DDX59: variants seen among roughly 807,000 people sequenced by gnomAD.
DDX59 encodes DEAD-box helicase 59.
A neutral mutation model predicts 51.9 loss-of-function variants in DDX59; 30 were observed. The observed-to-expected ratio is 0.58, with a 90% confidence interval of 0.43 to 0.78. The LOEUF (loss-of-function observed/expected upper bound fraction) is 0.78, where lower values mean the gene tolerates loss of function less well. Among genes scored for constraint, DDX59 ranks in the 30% least tolerant of loss-of-function variants. DDX59 has a pLI of 0.00. For synonymous variants in DDX59, 255 were observed against 253.3 expected, an observed-to-expected ratio of 1.01 and a Z score of -0.06; for missense variants, 672 against 730.8, an observed-to-expected ratio of 0.92 and a Z score of 0.93.
rs554399074 is a variant in DDX59 at position 200,656,120 on chromosome 1, G to A, written c.1062+2907C>T. On this transcript the variant is annotated intron_variant, in intron 4 of 7. Transcript: ENST00000331314. ...ACTGGGATTACAGGCGTGAGCCAAC[G>A]TGCCTGGCCATACAGTTCAATTTTT... Among the ~76,000 whole-genome samples the A allele has an allele frequency of 9.9e-5, 15 of 152,238 alleles. No individual in the cohort carries two copies. In the South Asian group the frequency reaches 3.1e-3, roughly 32 times the overall value.
intron 4 of DDX59, among the ~76,000 whole-genome samples, chr1:200,654,011 A>G (rs182546433): frequency 6.6e-6 from 1 of 152,244 alleles, no homozygotes; most frequent in African/African-American, 2.4e-5. Context: ...GAAAAGCCCT[A>G]ATGATATATT....
At chr1:200,643,754 T>A (rs943603596), downstream of DDX59, among the ~76,000 whole-genome samples, 41 of 152,282 alleles carry the variant, frequency 2.7e-4, no homozygotes, top group African/African-American at 8.2e-4. Context: ...ATCTTATTTT[T>A]AAAACAGCAT....
At chr1:200,641,397 TAAA>T (rs5780032), downstream of DDX59, 474 of 214,018 alleles carry the variant, frequency 2.2e-3, no homozygotes, top group Middle Eastern at 6.4e-3. Context: ...CCAAAAAAAC[TAAA>T]AAAAAAAAAA....
At chr1:200,664,111 T>A (rs758997344) in intron 2 of DDX59, 25 bp from the exon 3 acceptor site, 5 of 1,598,246 alleles carry the variant, frequency 3.1e-6, no homozygotes, top group Non-Finnish European at 4.3e-6. Context: ...AAAACAAGTT[T>A]AAAAACACCA....
chr1:200,659,317 A>C (rs1357383950), intron 3 of DDX59, among the ~76,000 whole-genome samples: 2 of 152,254 alleles, frequency 1.3e-5, no homozygotes, highest in Non-Finnish European at 2.9e-5. Flanking sequence ...GAAAGTACTC[A>C]TGAGATAAAT....
chr1:200,652,027 A>G (rs1441716598), intron 4 of DDX59, among the ~76,000 whole-genome samples: 1 of 150,854 alleles, frequency 6.6e-6, no homozygotes, highest in African/African-American at 2.4e-5. Flanking sequence ...AAAAAAAAAA[A>G]AGATTAAGGC....
At chr1:200,661,893 T>C (rs1662397669) in intron 3 of DDX59, among the ~76,000 whole-genome samples, 1 of 152,174 alleles carries the variant, frequency 6.6e-6, no homozygotes, top group African/African-American at 2.4e-5. Flanking sequence ...GATTGGATCA[T>C]GGGGGCTATT....
At chr1:200,648,691 G>A in intron 6 of DDX59, 124 bp from the exon 7 acceptor site, 1 of 1,174,246 alleles carries the variant, frequency 8.5e-7, no homozygotes, top group East Asian at 2.5e-5. Context: ...TTTTCAATAA[G>A]TAAAGGTCAT....
Position 200,644,084 on chromosome 1 carries a change from GT to G in DDX59, c.*169del. On this transcript the variant is annotated 3_prime_UTR_variant, in exon 8 of 8. Transcript: ENST00000331314. Reference sequence around the variant, plus strand: ...TTTATTTAATAATTCATTTTCTGATGTTTTTAATTTATAAGAATTAAGGGAA... The same window carrying G: ...TTTATTTAATAATTCATTTTCTGATGTTTTAATTTATAAGAATTAAGGGAA... The G allele has an allele frequency of 1.7e-6, 1 of 581,436 alleles. No homozygotes were observed. The highest frequency in any genetic ancestry group is 2.3e-6 in the Non-Finnish European group (1 of 440,766). The allele number at this position is 581,436 out of a possible 1,614,324, so 36.0% of individuals were successfully genotyped here.
Position 200,666,150 on chromosome 1 carries a change from T to G in DDX59, c.591A>C (p.Glu197Asp). The change falls in exon 2 of 8, where the codon GAA becomes GAC. Residue 197 changes from glutamate (E) to aspartate (D), a missense_variant. Transcript: ENST00000331314. ...CAAAGTCAATAATGGGCCTGGTGAC[T>G]TCTTGCCCTTGAACTAAAATTCCCA... ...QQLGILVQGQ[E>D]VTRPIIDFEH... 1 of 1,614,214 alleles carries G rather than the reference T, an allele frequency of 6.2e-7. No homozygotes were observed. Among genetic ancestry groups the G allele is most frequent in the Non-Finnish European group, 8.5e-7 (1 of 1,180,042 alleles).
Position 200,648,510 on chromosome 1 carries a change from G to A in DDX59, c.1525C>T (p.Leu509=). 1 of 1,614,096 alleles carries A rather than the reference G, an allele frequency of 6.2e-7. No homozygotes were observed. Among genetic ancestry groups the A allele is most frequent in the Non-Finnish European group, 8.5e-7 (1 of 1,180,016 alleles). Residue 509 remains leucine (L), a synonymous_variant, in exon 7 of 8, where the codon CTA becomes TTA. Transcript: ENST00000331314. ...VVSTGVLGRG[L]DLISVRLVVN... ...ACCAGCCTGACACTGATCAAGTCTA[G>A]GCCTCGTCCCAAGACTCCTGTGCTC...
chr1:200,647,578 T>C (rs973034845), intron 7 of DDX59, among the ~76,000 whole-genome samples: 3 of 151,848 alleles, frequency 2.0e-5, no homozygotes, highest in Non-Finnish European at 2.9e-5. Flanking sequence ...TTCTAGTTTT[T>C]TTTTTTTTCT....
chr1:200,652,727 G>A (rs1661747676), intron 4 of DDX59, among the ~76,000 whole-genome samples: 1 of 148,594 alleles, frequency 6.7e-6, no homozygotes, highest in African/African-American at 2.5e-5. Flanking sequence ...GGAGTGCAGG[G>A]GTGCAATCAT....
chr1:200,647,603 A>T (rs1661369259), intron 7 of DDX59, among the ~76,000 whole-genome samples: 2 of 150,982 alleles, frequency 1.3e-5, no homozygotes, highest in African/African-American at 2.4e-5. Context: ...CACTTTAGGC[A>T]TACTTTTAAA....
At chr1:200,669,389 G>A (rs1047071012) in intron 1 of DDX59, 2 of 149,994 alleles carry the variant, frequency 1.3e-5, no homozygotes, top group Middle Eastern at 3.4e-3. Flanking sequence ...AGGTGAGCAG[G>A]AAAAAGCTTG....
chr1:200,653,364 C>T (rs775998678), intron 4 of DDX59, among the ~76,000 whole-genome samples: 6 of 152,148 alleles, frequency 3.9e-5, no homozygotes, highest in Non-Finnish European at 7.3e-5. Flanking sequence ...CCATCAGAAA[C>T]TCTTATTTCA....
chr1:200,665,838 G>C (rs1662689476), intron 2 of DDX59, 99 bp downstream of exon 2: 2 of 1,307,110 alleles, frequency 1.5e-6, no homozygotes, highest in East Asian at 5.0e-5. Context: ...CAAATATTTA[G>C]TTTTAGTCTG....
intron 4 of DDX59, among the ~76,000 whole-genome samples, chr1:200,652,667 A>ATT (rs10590500): frequency 4.1e-4 from 48 of 117,130 alleles, no homozygotes; most frequent in Non-Finnish European, 5.7e-4. Context: ...CATAAAAAGC[A>ATT]TTTTTTTTTT....
intron 1 of DDX59, among the ~76,000 whole-genome samples, chr1:200,667,989 C>A (rs1662890736): frequency 1.3e-5 from 2 of 152,004 alleles, no homozygotes; most frequent in Admixed American, 1.3e-4. Flanking sequence ...TCAGAAGAAA[C>A]TGAGCCACTT....
Sources: allele counts gnomAD v4.1 joint callset (sites outside exome capture counted in the v4.1 genomes callset), GRCh38; gene constraint gnomAD v4.1.1; transcripts MANE v1.5; gene names NCBI Gene and HGNC (gene_info 2026-07-23, HGNC 2026-07-21).